The following MAP4 variants were observed in gnomAD, a reference collection of about 807,000 sequenced individuals.
MAP4 encodes microtubule-associated protein 4.
In MAP4, 76 loss-of-function variants were observed where a neutral mutation model predicts 170.2. The observed-to-expected ratio is 0.45, with a 90% CI of 0.37 to 0.54. MAP4 has a LOEUF of 0.54. Among genes scored for constraint, MAP4 ranks in the 20% least tolerant of loss-of-function variants. MAP4 has a pLI of 0.00. For missense variants in MAP4, 2,506 were observed against 2,748.0 expected, an observed-to-expected ratio of 0.91 and a Z score of 1.97; for synonymous variants, 909 against 994.5, an observed-to-expected ratio of 0.91 and a Z score of 1.62.
In MAP4 at chr3:47,872,108, T is replaced by C. The variant is rs2093501800; in HGVS notation, c.5758-8A>G. The C allele has an allele frequency of 1.2e-6, 2 of 1,601,666 alleles. No individual in the cohort carries two copies. The highest frequency in any genetic ancestry group is 1.7e-6 in the Non-Finnish European group (2 of 1,172,134). On this transcript the variant is annotated splice_polypyrimidine_tract_variant and splice_region_variant and intron_variant, in intron 12 of 20. Transcript: ENST00000683076. ...CTTTGCATCTGCAATGGGCTGGAAA[T>C]AGGAAAGTGGGAATGAGGCCTGCAG...
chr3:47,975,311 C>A, intron 3 of MAP4: 1 of 1,518,330 alleles, frequency 6.6e-7, no homozygotes, highest in Non-Finnish European at 8.9e-7. Context: ...AGAAATAGGC[C>A]CCGAAGAACT....
At chr3:47,919,554 C>T (rs910269944) in intron 5 of MAP4, among the ~76,000 whole-genome samples, 1 of 152,028 alleles carries the variant, frequency 6.6e-6, no homozygotes, top group African/African-American at 2.4e-5. Context: ...ATGATCCACC[C>T]GCCTTGGCCT....
At position 47,881,446 on chromosome 3, in the gene MAP4, C is replaced by CTATATATA. The variant is rs56923064; in HGVS notation, c.5435-3931_5435-3924dup. On this transcript the variant is annotated intron_variant, in intron 10 of 20. Coordinates refer to ENST00000683076, the MANE Select transcript of MAP4 (RefSeq NM_001385682.1). The stretch of plus-strand genomic sequence containing the variant: ...CAGCCTGGGCAACAAGAAAAAACAA[C>CTATATATA]TATATATATATATATATATATATAT... Among the ~76,000 whole-genome samples the CTATATATA allele has an allele frequency of 2.3e-3, 113 of 49,388 alleles. 4 individuals carry two copies. The highest frequency in any genetic ancestry group is 2.9e-3 in the Non-Finnish European group (76 of 26,634). 32.4% of individuals were successfully genotyped at this position (49,388 alleles called of 152,430 possible).
Position 47,852,174 on chromosome 3 carries a change from AAC to A in MAP4, c.*758_*759del, listed in dbSNP as rs2043545499. On this transcript the variant is annotated 3_prime_UTR_variant, in exon 21 of 21. Transcript: ENST00000683076. ...AGGATATCTCCGCCCTGTTCCCTCT[AAC>A]ACTTACTGAGGACTTTCATGTAGAC... is the stretch of plus-strand genomic sequence containing the variant. The A allele has an allele frequency of 6.5e-6, 1 of 152,860 alleles. No individual in the cohort carries two copies. The highest frequency in any genetic ancestry group is 2.1e-4 in the South Asian group (1 of 4,850). 9.5% of individuals were successfully genotyped at this position (152,860 alleles called of 1,614,324 possible).
At chr3:48,023,594 C>T (rs2100111629) in intron 1 of MAP4, among the ~76,000 whole-genome samples, 1 of 152,162 alleles carries the variant, frequency 6.6e-6, no homozygotes, top group Admixed American at 6.5e-5. Flanking sequence ...CATGTGCTGA[C>T]CTTTAAAAGA....
At chr3:48,008,706 T>C (rs1026656854) in intron 1 of MAP4, among the ~76,000 whole-genome samples, 15 of 152,170 alleles carry the variant, frequency 9.9e-5, no homozygotes, top group African/African-American at 2.9e-4. Context: ...ATCTAGTGGA[T>C]AGGATGACCC....
intron 1 of MAP4, among the ~76,000 whole-genome samples, chr3:48,074,676 TTGTGTGTGTGTGTGTGTGTGTGTG>T (rs555691222): frequency 2.9e-4 from 26 of 90,638 alleles, no homozygotes; most frequent in African/African-American, 1.1e-3. Context: ...ATCCAGCTAA[TTGTGTGTGTGTGTGTGTGTGTGTG>T]TGTGTGTGTG....
chr3:48,055,344 G>A (rs997779379), intron 1 of MAP4, among the ~76,000 whole-genome samples: 6 of 152,202 alleles, frequency 3.9e-5, no homozygotes, highest in Non-Finnish European at 5.9e-5. Flanking sequence ...TCTGCCGAAT[G>A]CCTGCGATTG....
intron 10 of MAP4, among the ~76,000 whole-genome samples, chr3:47,886,399 C>G (rs985816324): frequency 2.6e-5 from 4 of 152,178 alleles, no homozygotes; most frequent in Admixed American, 6.5e-5. Context: ...CTTTTGGGCT[C>G]GAGCAATCCT....
At chr3:48,084,991 A>G (rs1441234717) in intron 1 of MAP4, among the ~76,000 whole-genome samples, 1 of 151,904 alleles carries the variant, frequency 6.6e-6, no homozygotes, top group Admixed American at 6.6e-5. Flanking sequence ...TCCTAGCAAT[A>G]AGTCTACAAT....
Position 47,910,203 on chromosome 3 carries a change from GGCCATTCCTTCAA to G in MAP4, c.4205_4217del (p.Ile1402ThrfsTer20). 6.2e-7 allele frequency: 1 copy of G among 1,612,980 alleles called. No homozygotes were observed. The highest frequency in any genetic ancestry group is 2.2e-5 in the East Asian group (1 of 44,886). On this transcript the variant is annotated frameshift_variant, in exon 9 of 21. Transcript: ENST00000683076. LOFTEE classifies it high-confidence loss of function. ...TAATATTTCTATTTTCGTCCATATA[GGCCATTCCTTCAA>G]TTCCCTGGTCCCCTGTGGTTTCCAT...
chr3:47,912,484 C>T, intron 8 of MAP4, 63 bp from the exon 9 acceptor site: 1 of 1,398,310 alleles, frequency 7.2e-7, no homozygotes, highest in Non-Finnish European at 9.4e-7. Flanking sequence ...AACAAACAAA[C>T]AAACAAAAAA....
intron 10 of MAP4, chr3:47,891,700 A>G (rs1024164038): frequency 1.3e-6 from 2 of 1,536,590 alleles, no homozygotes; most frequent in East Asian, 4.9e-5. Flanking sequence ...GACAGCTTGC[A>G]TTCAAATGTT....
chr3:48,056,935 G>A (rs1322330761), intron 1 of MAP4, among the ~76,000 whole-genome samples: 2 of 127,558 alleles, frequency 1.6e-5, no homozygotes, highest in Non-Finnish European at 3.3e-5. Context: ...GGAGGGAGGT[G>A]GGGGGTTCAG....
intron 1 of MAP4, among the ~76,000 whole-genome samples, chr3:48,061,307 C>G (rs1210873336): frequency 6.6e-6 from 1 of 152,010 alleles, no homozygotes; most frequent in Non-Finnish European, 1.5e-5. Context: ...ATTCTCCTCC[C>G]TCAGCCTGCC....
chr3:47,865,680 G>T (rs941614415), intron 17 of MAP4, among the ~76,000 whole-genome samples: 1 of 152,186 alleles, frequency 6.6e-6, no homozygotes, highest in Non-Finnish European at 1.5e-5. Flanking sequence ...GACCTAGTCC[G>T]GTTCAGGACA....
At chr3:47,899,376 G>A (rs1456308284) in intron 10 of MAP4, among the ~76,000 whole-genome samples, 1 of 152,166 alleles carries the variant, frequency 6.6e-6, no homozygotes, top group Non-Finnish European at 1.5e-5. Flanking sequence ...CTAACCTCAG[G>A]TGATCCTCCT....
chr3:48,050,671 G>A (rs113926406), intron 1 of MAP4, among the ~76,000 whole-genome samples: 2 of 151,690 alleles, frequency 1.3e-5, no homozygotes, highest in African/African-American at 4.8e-5. Flanking sequence ...CACTTTGGGA[G>A]GCTGAGGCAG....
chr3:48,028,165 G>A (rs1339204693), intron 1 of MAP4, among the ~76,000 whole-genome samples: 1 of 152,078 alleles, frequency 6.6e-6, no homozygotes, highest in African/African-American at 2.4e-5. Flanking sequence ...GGTAGCACAC[G>A]CCTATAGTCC....
Sources: allele counts gnomAD v4.1 joint callset (sites outside exome capture counted in the v4.1 genomes callset), GRCh38; gene constraint gnomAD v4.1.1; transcripts MANE v1.5; gene names NCBI Gene and HGNC (gene_info 2026-07-23, HGNC 2026-07-21).